The following WWOX variants were observed in gnomAD, a reference collection of about 807,000 sequenced individuals.
WWOX encodes WW domain containing oxidoreductase.
WWOX carries 69 observed loss-of-function variants against 46.2 expected under a neutral mutation model. The observed-to-expected ratio is 1.49, with a 90% CI of 1.23 to 1.82. The LOEUF (loss-of-function observed/expected upper bound fraction) is 1.82, where lower values mean the gene tolerates loss of function less well. Ranked by LOEUF, WWOX falls within the 40% of genes most tolerant of loss-of-function variation. WWOX has a pLI of 0.00. For missense variants in WWOX, 919 were observed against 542.6 expected (o/e 1.69, Z -6.89); for synonymous variants, 359 against 202.6 (o/e 1.77, Z -6.56).
At chr16:78,203,222 T>C (rs551271197) in intron 5 of WWOX, among the ~76,000 whole-genome samples, 2 of 152,068 alleles carry the variant, frequency 1.3e-5, no homozygotes, top group Non-Finnish European at 2.9e-5. Context: ...CTGTTGGACT[T>C]AGTGCAAAAT....
chr16:78,633,950 G>A (rs190651207), intron 8 of WWOX, among the ~76,000 whole-genome samples: 2 of 149,210 alleles, frequency 1.3e-5, no homozygotes, highest in East Asian at 4.0e-4. Context: ...CAGCTCTGCC[G>A]ACCAAAGGCT....
chr16:78,573,243 G>A (rs2151576336), intron 8 of WWOX, among the ~76,000 whole-genome samples: 1 of 152,056 alleles, frequency 6.6e-6, no homozygotes, highest in East Asian at 1.9e-4. Context: ...CCGAGATCGT[G>A]CCACTGCACT....
chr16:79,127,481 G>A (rs1010750366), intron 8 of WWOX, among the ~76,000 whole-genome samples: 2 of 152,112 alleles, frequency 1.3e-5, no homozygotes, highest in African/African-American at 4.8e-5. Context: ...ACACTGTGTG[G>A]ATGTTTCATA....
chr16:79,121,470 T>G (rs2049630164), intron 8 of WWOX, among the ~76,000 whole-genome samples: 1 of 152,208 alleles, frequency 6.6e-6, no homozygotes, highest in African/African-American at 2.4e-5. Flanking sequence ...TTGCCATGAC[T>G]TGGGCATTGG....
chr16:78,662,782 G>A (rs1175859550), intron 8 of WWOX, among the ~76,000 whole-genome samples: 2 of 152,146 alleles, frequency 1.3e-5, no homozygotes, highest in Non-Finnish European at 2.9e-5. Flanking sequence ...TTGGCAAGAT[G>A]TAGTGTTTTG....
intron 5 of WWOX, among the ~76,000 whole-genome samples, chr16:78,274,102 A>G (rs886949980): frequency 1.3e-5 from 2 of 152,124 alleles, no homozygotes; most frequent in Non-Finnish European, 2.9e-5. Context: ...CTCCCAGTAT[A>G]CCCTATATTT....
intron 8 of WWOX, among the ~76,000 whole-genome samples, chr16:78,823,529 C>T (rs1023633078): frequency 1.3e-5 from 2 of 152,160 alleles, no homozygotes; most frequent in African/African-American, 4.8e-5. Flanking sequence ...TGTGTAATCG[C>T]ATATAGCATT....
chr16:79,094,633 G>GC (rs1372425165), intron 8 of WWOX, among the ~76,000 whole-genome samples: 1 of 151,758 alleles, frequency 6.6e-6, no homozygotes, highest in African/African-American at 2.4e-5. Flanking sequence ...TCTCAGGTCT[G>GC]TTTTTTCTTT....
At chr16:79,200,264 G>A (rs1055162799) in intron 8 of WWOX, among the ~76,000 whole-genome samples, 2 of 152,194 alleles carry the variant, frequency 1.3e-5, no homozygotes, top group African/African-American at 2.4e-5. Flanking sequence ...GGTCTGTGGA[G>A]AGGGCCTTGG....
chr16:78,126,761 C>A (rs16947166), intron 4 of WWOX, among the ~76,000 whole-genome samples: 624 of 152,260 alleles, frequency 4.1e-3, no homozygotes, highest in Non-Finnish European at 6.4e-3. Context: ...GGCACTGTTG[C>A]TTTGGTACCC....
At chr16:78,467,023 A>C (rs2084096297) in intron 8 of WWOX, among the ~76,000 whole-genome samples, 1 of 152,194 alleles carries the variant, frequency 6.6e-6, no homozygotes, top group Admixed American at 6.5e-5. Context: ...GGGGACACTA[A>C]ACGTACCTTA....
chr16:78,799,338 T>A (rs1374502692), intron 8 of WWOX, among the ~76,000 whole-genome samples: 2 of 152,160 alleles, frequency 1.3e-5, no homozygotes, highest in Non-Finnish European at 2.9e-5. Flanking sequence ...AAATCACTTT[T>A]AAAAAATGTA....
intron 8 of WWOX, among the ~76,000 whole-genome samples, chr16:78,822,369 C>G (rs780874747): frequency 3.3e-5 from 5 of 152,136 alleles, no homozygotes; most frequent in Non-Finnish European, 4.4e-5. Context: ...TGGCATGTGC[C>G]TGTAATCTTA....
chr16:78,137,841 C>A (rs1378263341), intron 4 of WWOX, among the ~76,000 whole-genome samples: 3 of 137,338 alleles, frequency 2.2e-5, no homozygotes, highest in African/African-American at 8.1e-5. Context: ...TGTACTTGAG[C>A]AGTATCCATA....
chr16:78,790,521 G>C (rs1005346324), intron 8 of WWOX, among the ~76,000 whole-genome samples: 1 of 152,152 alleles, frequency 6.6e-6, no homozygotes, highest in Non-Finnish European at 1.5e-5. Context: ...TAAGAGTTCA[G>C]CCAAAAGAGA....
chr16:78,465,832 G>A (rs932352597), intron 8 of WWOX, among the ~76,000 whole-genome samples: 1 of 152,026 alleles, frequency 6.6e-6, no homozygotes, highest in Non-Finnish European at 1.5e-5. Flanking sequence ...AGTCTGAATT[G>A]CATTCTGTTG....
intron 5 of WWOX, among the ~76,000 whole-genome samples, chr16:78,191,839 C>G (rs2035893168): frequency 6.6e-6 from 1 of 152,130 alleles, no homozygotes; most frequent in African/African-American, 2.4e-5. Context: ...GATATTTGAT[C>G]ATAGGAGTAA....
chr16:78,542,677 C>T (rs759810726), intron 8 of WWOX, among the ~76,000 whole-genome samples: 4 of 152,184 alleles, frequency 2.6e-5, no homozygotes, highest in Admixed American at 1.3e-4. Flanking sequence ...ATAAAAGACA[C>T]AGAAACACAT....
chr16:78,838,702 G>A (rs1378190571), intron 8 of WWOX, among the ~76,000 whole-genome samples: 2 of 152,134 alleles, frequency 1.3e-5, no homozygotes, highest in Admixed American at 6.5e-5. Context: ...AGTTAGCCGG[G>A]CGTGGTAGCA....
Sources: allele counts gnomAD v4.1 joint callset (sites outside exome capture counted in the v4.1 genomes callset), GRCh38; gene constraint gnomAD v4.1.1; transcripts MANE v1.5; gene names NCBI Gene and HGNC (gene_info 2026-07-23, HGNC 2026-07-21).